The following PISD variants were observed in gnomAD, a reference collection of about 807,000 sequenced individuals.
PISD encodes the protein phosphatidylserine decarboxylase, also known as phosphatidylserine decarboxylase proenzyme, mitochondrial.
A neutral mutation model predicts 43.5 loss-of-function variants in PISD; 31 were observed. The ratio of observed to expected loss-of-function variants is 0.71; its 90% CI spans 0.54 to 0.96. The LOEUF (loss-of-function observed/expected upper bound fraction) is 0.96. Among genes scored for constraint, PISD ranks in the 40% least tolerant of loss-of-function variants. PISD has a pLI of 0.00. For missense variants in PISD, 523 were observed against 548.4 expected (o/e 0.95, Z 0.46); for synonymous variants, 259 against 228.7 (o/e 1.13, Z -1.20).
chr22:31,622,198 C>G (rs552559658), intron 3 of PISD, among the ~76,000 whole-genome samples: 1 of 152,336 alleles, frequency 6.6e-6, no homozygotes, highest in Admixed American at 6.5e-5. Flanking sequence ...AAGTGGGGGT[C>G]GGAAACGGAT....
At chr22:31,624,712 G>C (rs1433621824) in intron 3 of PISD, among the ~76,000 whole-genome samples, 1 of 111,904 alleles carries the variant, frequency 8.9e-6, no homozygotes, top group African/African-American at 3.6e-5. Flanking sequence ...AGCAAAGGTG[G>C]ACACACACAC....
At chr22:31,629,675 T>G (rs2073105291) in intron 3 of PISD, 1 of 151,698 alleles carries the variant, frequency 6.6e-6, no homozygotes. Context: ...GGTGTGTGTG[T>G]GTAGGGGTAT....
intron 7 of PISD, 70 bp from the exon 8 acceptor site, chr22:31,619,906 T>G: frequency 3.0e-6 from 3 of 1,002,204 alleles, no homozygotes; most frequent in Non-Finnish European, 4.5e-6. Context: ...CACATGTGTT[T>G]GGAGTCCCAC....
intron 3 of PISD, among the ~76,000 whole-genome samples, chr22:31,641,383 A>G (rs777841206): frequency 8.5e-5 from 13 of 152,190 alleles, no homozygotes; most frequent in Non-Finnish European, 1.8e-4. Context: ...GACAGCTGAT[A>G]CGGTAACTGA....
chr22:31,640,581 T>TG (rs938275488), intron 3 of PISD, among the ~76,000 whole-genome samples: 15 of 134,258 alleles, frequency 1.1e-4, no homozygotes, highest in Non-Finnish European at 1.6e-4. Context: ...GGTTGTTTTT[T>TG]TTTTTTTTTT....
Position 31,629,177 on chromosome 22 carries a change from C to G in PISD, c.322-7292G>C, listed in dbSNP as rs1238447599. 6 of 985,218 alleles carry G rather than the reference C, an allele frequency of 6.1e-6. No homozygotes were observed. The East Asian group carries it at 6.8e-4, about 112-fold the overall frequency. 61.0% of individuals were successfully genotyped at this position (985,218 alleles called of 1,614,324 possible). On this transcript the variant is annotated intron_variant, in intron 3 of 7. Transcript: ENST00000439502. The stretch of plus-strand genomic sequence containing the variant: ...TTCCAACTGAAGTCGATGAATGACC[C>G]CAGGCCAGGCAGCAGTTACTACAGG...
rs889666362 is a variant in PISD, at chr22:31,619,510, G to A, written c.*102C>T. 5.7e-6 allele frequency: 5 copies of A among 884,694 alleles called. No homozygotes were observed. Among genetic ancestry groups the A allele is most frequent in the Non-Finnish European group, 9.3e-6 (5 of 536,936 alleles). The allele number at this position is 884,694 out of a possible 1,614,324, so 54.8% of individuals were successfully genotyped here. ...ACCTGGTCAGACTCCCAACCACGCT[G>A]AGGCAGGCCCTTACCTGGATGGCCT... On this transcript the variant is annotated 3_prime_UTR_variant, in exon 8 of 8. Coordinates refer to ENST00000439502, the MANE Select transcript of PISD (RefSeq NM_001326411.2).
At chr22:31,640,298 A>G (rs2073654561) in intron 3 of PISD, among the ~76,000 whole-genome samples, 1 of 151,678 alleles carries the variant, frequency 6.6e-6, no homozygotes, top group African/African-American at 2.4e-5. Context: ...TCCTGGCTCA[A>G]GCAATCCTCC....
At chr22:31,655,297 G>A (rs1164993328) in intron 1 of PISD, among the ~76,000 whole-genome samples, 3 of 150,570 alleles carry the variant, frequency 2.0e-5, no homozygotes, top group African/African-American at 7.4e-5. Flanking sequence ...CGTTCATCCA[G>A]CCACTCAGGT....
In PISD at chr22:31,655,730, G is replaced by A. The variant is rs1274121198; in HGVS notation, c.66-4952C>T. Among the ~76,000 whole-genome samples the A allele has an allele frequency of 3.3e-5, 5 of 151,974 alleles. No individual in the cohort carries two copies. In the East Asian group the frequency reaches 5.8e-4, roughly 18 times the overall value. The stretch of plus-strand genomic sequence containing the variant: ...ACTCACTGCAACCTCCGCCTCCTGG[G>A]TTCAAGCAGTTCTTCTGCCTCAGCC... On this transcript the variant is annotated intron_variant, in intron 1 of 7. Transcript: ENST00000439502.
chr22:31,644,242 C>CT (rs571185716), intron 3 of PISD, among the ~76,000 whole-genome samples: 2,039 of 139,152 alleles, frequency 0.015, 17 homozygotes, highest in Middle Eastern at 0.03. Context: ...ATAATTTTTT[C>CT]TTTTTTTTTT....
intron 3 of PISD, chr22:31,632,126 G>T: frequency 6.8e-6 from 3 of 438,190 alleles, no homozygotes; most frequent in Non-Finnish European, 9.1e-6. Context: ...TGGGGGCCAC[G>T]CCTGGAATAG....
chr22:31,649,086 G>A (rs1030901996), intron 2 of PISD, among the ~76,000 whole-genome samples: 5 of 152,078 alleles, frequency 3.3e-5, no homozygotes, highest in African/African-American at 9.7e-5. Context: ...CAGGCACAGC[G>A]GCTTGCACCT....
chr22:31,625,795 C>T (rs529155691), intron 3 of PISD: 28 of 1,599,576 alleles, frequency 1.8e-5, no homozygotes, highest in South Asian at 3.4e-5. Context: ...GTCCTTGCCG[C>T]GCCTCTGACT....
chr22:31,648,317 G>C (rs2073938049), intron 2 of PISD, 41 bp from the exon 3 acceptor site: 4 of 1,529,708 alleles, frequency 2.6e-6, no homozygotes, highest in African/African-American at 1.4e-5. Context: ...TGAGAGACAG[G>C]AATAGGGAAG....
rs567352908 is a variant in PISD at position 31,660,296 on chromosome 22, T to C, written c.65+1848A>G. 2.6e-5 allele frequency among the ~76,000 whole-genome samples: 4 copies of C among 152,302 alleles called. No individual in the cohort carries two copies. In the South Asian group the frequency reaches 8.3e-4, roughly 32 times the overall value. The stretch of plus-strand genomic sequence containing the variant: ...ATCTATCTACACTGGTACTAAAACA[T>C]AGCTTTTTTTCTTTCCCTTTTAATG... On this transcript the variant is annotated intron_variant, in intron 1 of 7. Transcript: ENST00000439502.
chr22:31,653,280 G>C (rs1227277410), intron 1 of PISD, among the ~76,000 whole-genome samples: 1 of 152,120 alleles, frequency 6.6e-6, no homozygotes, highest in Non-Finnish European at 1.5e-5. Flanking sequence ...ACAGCAAAAA[G>C]CCTAAAACCC....
In PISD at chr22:31,619,489, G is replaced by A. The variant is rs914875842; in HGVS notation, c.*123C>T. 2 of 747,406 alleles carry A rather than the reference G, an allele frequency of 2.7e-6. No homozygotes were observed. Among genetic ancestry groups the A allele is most frequent in the Admixed American group, 2.0e-5 (1 of 50,032 alleles). 46.3% of individuals were successfully genotyped at this position (747,406 alleles called of 1,614,324 possible). A position where few individuals can be genotyped will look rare whatever the true frequency, so the allele number is the denominator to read the frequency against. On this transcript the variant is annotated 3_prime_UTR_variant, in exon 8 of 8. Coordinates refer to ENST00000439502, the MANE Select transcript of PISD (RefSeq NM_001326411.2). ...TAGCCGAATCATTCAAGTCCTACCT[G>A]GTCAGACTCCCAACCACGCTGAGGC...
Position 31,650,738 on chromosome 22 carries a change from G to A in PISD, c.106C>T (p.Gln36Ter). The A allele has an allele frequency of 6.4e-7, 1 of 1,556,292 alleles. No homozygotes were observed. The highest frequency in any genetic ancestry group is 8.7e-7 in the Non-Finnish European group (1 of 1,149,782). The change falls in exon 2 of 8, where the codon CAG becomes TAG. Residue 36 changes from glutamine to a stop codon, truncating the protein, a stop_gained. Coordinates refer to ENST00000439502, the MANE Select transcript of PISD (RefSeq NM_001326411.2). LOFTEE classifies it high-confidence loss of function. Reference sequence around the variant, plus strand: ...CTAAAAGGCAGCTTCCGTAAGGGCTGTAGGGATTGGCTCAGGGCAGTGATC... The same window carrying A: ...CTAAAAGGCAGCTTCCGTAAGGGCTATAGGGATTGGCTCAGGGCAGTGATC... ...CEITALSQSL[Q>*]PLRKLPFRAF...
Sources: allele counts gnomAD v4.1 joint callset (sites outside exome capture counted in the v4.1 genomes callset), GRCh38; gene constraint gnomAD v4.1.1; transcripts MANE v1.5; gene names NCBI Gene and HGNC (gene_info 2026-07-23, HGNC 2026-07-21).